Variants in SLC24A4 observed in about 807,000 individuals in gnomAD.
SLC24A4 encodes solute carrier family 24 member 4.
Under a neutral mutation model 79.0 loss-of-function variants are expected in SLC24A4, and 53 were observed. The ratio of observed to expected loss-of-function variants is 0.67; its 90% CI spans 0.54 to 0.84. SLC24A4 has a LOEUF of 0.84. SLC24A4 is among the 40% of genes least tolerant of loss of function. The pLI is 0.00. For synonymous variants in SLC24A4, 323 were observed against 323.8 expected (o/e 1.00, Z 0.03); for missense variants, 731 against 822.0 (o/e 0.89, Z 1.35).
chr14:92,437,911 A>G (rs570277487), intron 3 of SLC24A4, among the ~76,000 whole-genome samples: 1 of 152,150 alleles, frequency 6.6e-6, no homozygotes, highest in Non-Finnish European at 1.5e-5. Flanking sequence ...CTTTAAGAAG[A>G]GATGCTTGAG....
In SLC24A4 at chr14:92,441,522, C is replaced by T. The variant is rs900986260; in HGVS notation, c.394-567C>T. On this transcript the variant is annotated intron_variant, in intron 4 of 16. Transcript: ENST00000532405. The surrounding 1 kb of genome is among the most constrained non-coding windows in gnomAD (Gnocchi z 4.6). Reference sequence around the variant, plus strand: ...AGCTGCAGGCCAGAGGCCTCCAGATCCACAATGCTGACATTCTCATTGAGG... The same window carrying T: ...AGCTGCAGGCCAGAGGCCTCCAGATTCACAATGCTGACATTCTCATTGAGG... Among the ~76,000 whole-genome samples, 8 of 152,234 alleles carry T rather than the reference C, an allele frequency of 5.3e-5. No individual in the cohort carries two copies. Among genetic ancestry groups the T allele is most frequent in the African/African-American group, 1.9e-4 (8 of 41,458 alleles).
Position 92,361,502 on chromosome 14 carries a change from G to GA in SLC24A4, c.241+35535dup, listed in dbSNP as rs571724765. Among the ~76,000 whole-genome samples, 125 of 144,978 alleles carry GA rather than the reference G, an allele frequency of 8.6e-4. 1 individual carries two copies. Among genetic ancestry groups the GA allele is most frequent in the Middle Eastern group, 7.2e-3 (2 of 278 alleles). On this transcript the variant is annotated intron_variant, in intron 2 of 16. Coordinates refer to ENST00000532405, the MANE Select transcript of SLC24A4 (RefSeq NM_153646.4). ...AGCAACTGAAGTTTGAAATGGAAAG[G>GA]AAAAAAAAAAATGAAGAGATTTAGG...
At chr14:92,415,259 C>A (rs1405529035) in intron 2 of SLC24A4, among the ~76,000 whole-genome samples, 1 of 152,132 alleles carries the variant, frequency 6.6e-6, no homozygotes, top group Non-Finnish European at 1.5e-5. Context: ...ATTCCTCGGC[C>A]AGGCTCTCCT....
At chr14:92,492,959 A>AACACACACACAC (rs551206469) in intron 16 of SLC24A4, 193 of 299,360 alleles carry the variant, frequency 6.4e-4, no homozygotes, top group African/African-American at 4.0e-3. Context: ...CTCTACCCCA[A>AACACACACACAC]ACACACACAC....
chr14:92,359,356 A>G (rs1414054897), intron 2 of SLC24A4, among the ~76,000 whole-genome samples: 1 of 152,142 alleles, frequency 6.6e-6, no homozygotes, highest in Non-Finnish European at 1.5e-5. Flanking sequence ...CAGGCGGATC[A>G]TGAGGTCAGG....
intron 2 of SLC24A4, among the ~76,000 whole-genome samples, chr14:92,383,452 C>G (rs1888966231): frequency 6.6e-6 from 1 of 152,212 alleles, no homozygotes; most frequent in South Asian, 2.1e-4. Flanking sequence ...CCCTTCCTCT[C>G]TCTGCCTCAA....
intron 2 of SLC24A4, among the ~76,000 whole-genome samples, chr14:92,395,436 C>A (rs1889711783): frequency 7.5e-6 from 1 of 132,498 alleles, no homozygotes; most frequent in African/African-American, 4.1e-5. Flanking sequence ...AAACAAAACA[C>A]ACACACACAC....
At position 92,350,896 on chromosome 14, in the gene SLC24A4, A is replaced by G. The variant is rs561387930; in HGVS notation, c.241+24918A>G. ...TTGGGTCATGAAAGTGGGAGACCTC[A>G]TGAATGGGATTAGTGCCCTTATTAA... On this transcript the variant is annotated intron_variant, in intron 2 of 16. Coordinates refer to ENST00000532405, the MANE Select transcript of SLC24A4 (RefSeq NM_153646.4). Among the ~76,000 whole-genome samples the G allele has an allele frequency of 8.1e-4, 123 of 152,288 alleles. 1 individual carries two copies. Among genetic ancestry groups the G allele is most frequent in the African/African-American group, 2.8e-3 (115 of 41,564 alleles).
intron 2 of SLC24A4, among the ~76,000 whole-genome samples, chr14:92,386,932 G>A (rs999317688): frequency 2.6e-5 from 4 of 152,124 alleles, no homozygotes; most frequent in Non-Finnish European, 4.4e-5. Flanking sequence ...CTCGAGGCTG[G>A]TTCATGCACA....
chr14:92,447,155 C>T (rs758633448), intron 8 of SLC24A4, among the ~76,000 whole-genome samples: 2 of 152,204 alleles, frequency 1.3e-5, no homozygotes, highest in African/African-American at 2.4e-5. Context: ...TGAGAAGAGA[C>T]CCCTCAGCTT....
chr14:92,428,819 A>G (rs1388667495), intron 2 of SLC24A4, among the ~76,000 whole-genome samples: 1 of 152,228 alleles, frequency 6.6e-6, no homozygotes, highest in African/African-American at 2.4e-5. Flanking sequence ...TTGAGTAAGG[A>G]GATGGGAGGC....
chr14:92,460,954 T>C (rs4904918), intron 12 of SLC24A4, among the ~76,000 whole-genome samples: 108,120 of 152,072 alleles, frequency 0.71, 38,897 homozygotes, highest in Non-Finnish European at 0.76. Context: ...CACTTTAGAC[T>C]GCAGAGGCTG....
intron 12 of SLC24A4, chr14:92,457,603 C>T (rs17184250): frequency 0.24 from 36,320 of 152,510 alleles, 5,181 homozygotes; most frequent in Non-Finnish European, 0.33. Flanking sequence ...TGAATCCAGG[C>T]GTTCGTGTGT....
intron 16 of SLC24A4, 150 bp downstream of exon 16, chr14:92,492,390 C>T (rs1895731899): frequency 1.4e-6 from 1 of 719,036 alleles, no homozygotes; most frequent in African/African-American, 1.8e-5. Context: ...ATAGACACAC[C>T]CAAGTCCAGT....
intron 3 of SLC24A4, among the ~76,000 whole-genome samples, chr14:92,434,331 C>T (rs543888571): frequency 2.0e-5 from 3 of 152,240 alleles, no homozygotes; most frequent in Admixed American, 1.3e-4. Flanking sequence ...CACATGATAA[C>T]TCCTACAAAT....
Position 92,443,469 on chromosome 14 carries a change from A to G in SLC24A4, c.652A>G (p.Ile218Val). 2 of 1,614,146 alleles carry G rather than the reference A, an allele frequency of 1.2e-6. No homozygotes were observed. The highest frequency in any genetic ancestry group is 1.7e-6 in the Non-Finnish European group (2 of 1,180,008). ...VYYTISVIVLIVFIYDEQIVW... is the reference protein window; with the variant it reads ...VYYTISVIVLVVFIYDEQIVW... ...CTACACCATCTCTGTCATCGTGCTC[A>G]TCGTGGTGAGTTGCCCCTCTGCCCC... is the stretch of plus-strand genomic sequence containing the variant. The change falls in exon 7 of 17, where the codon ATC becomes GTC. Residue 218 changes from isoleucine (I) to valine (V), a missense_variant. Coordinates refer to ENST00000532405, the MANE Select transcript of SLC24A4 (RefSeq NM_153646.4).
chr14:92,328,840 G>A (rs1885303401), intron 2 of SLC24A4, among the ~76,000 whole-genome samples: 1 of 152,266 alleles, frequency 6.6e-6, no homozygotes, highest in Non-Finnish European at 1.5e-5. Flanking sequence ...TCCGGAGGGA[G>A]GGGACTGAAG....
In SLC24A4 at chr14:92,445,393, G is replaced by A. The variant is rs143016179; in HGVS notation, c.683+51G>A. 2.5e-6 allele frequency: 4 copies of A among 1,586,626 alleles called. No individual in the cohort carries two copies. The Admixed American group carries it at 6.7e-5, about 27-fold the overall frequency. ...TTGTTCTTTTTTGTTGTTGTTTCCA[G>A]TATCCTTATTTGTTGGGTTCCCTGA... On this transcript the variant is annotated intron_variant, in intron 8 of 16. Coordinates refer to ENST00000532405, the MANE Select transcript of SLC24A4 (RefSeq NM_153646.4).
intron 8 of SLC24A4, among the ~76,000 whole-genome samples, chr14:92,445,834 T>C (rs536388283): frequency 6.6e-5 from 10 of 152,226 alleles, no homozygotes; most frequent in Non-Finnish European, 1.0e-4. Flanking sequence ...AAACTGAGAC[T>C]TTTTAGAAAA....
Sources: allele counts gnomAD v4.1 joint callset (sites outside exome capture counted in the v4.1 genomes callset), GRCh38; gene constraint gnomAD v4.1.1; non-coding constraint Gnocchi (gnomAD v3.1); transcripts MANE v1.5; gene names NCBI Gene and HGNC (gene_info 2026-07-23, HGNC 2026-07-21).